DIAPH2: variants seen among roughly 807,000 people sequenced by gnomAD.
DIAPH2 encodes the protein protein diaphanous homolog 2.
In DIAPH2, 35 loss-of-function variants were observed where a neutral mutation model predicts 92.7. The observed-to-expected ratio is 0.38, with a 90% CI of 0.29 to 0.50. The LOEUF (loss-of-function observed/expected upper bound fraction) is 0.50, where lower values mean the gene tolerates loss of function less well. Among genes scored for constraint, DIAPH2 ranks in the 20% least tolerant of loss-of-function variants. The pLI, the probability that DIAPH2 is intolerant of heterozygous loss-of-function variation, is 0.94. For missense variants in DIAPH2, 701 were observed against 819.5 expected (o/e 0.86, Z 1.77); for synonymous variants, 301 against 280.4 (o/e 1.07, Z -0.73).
intron 22 of DIAPH2, among the ~76,000 whole-genome samples, chrX:97,193,074 G>A (rs2067669830): frequency 1.0e-5 from 1 of 95,711 alleles, no homozygotes; most frequent in Non-Finnish European, 2.0e-5. Flanking sequence ...GTGCAGTGGT[G>A]CCATCTTGGC....
At chrX:96,718,681 T>C (rs2063970674) in intron 1 of DIAPH2, among the ~76,000 whole-genome samples, 1 of 111,488 alleles carries the variant, frequency 9.0e-6, no homozygotes, top group South Asian at 3.7e-4. Context: ...CATTCATCTG[T>C]TTATGGATAC....
chrX:97,516,692 C>T (rs2070951431), intron 26 of DIAPH2, among the ~76,000 whole-genome samples: 1 of 111,506 alleles, frequency 9.0e-6, no homozygotes, highest in Admixed American at 9.5e-5. Context: ...GTGGCTATTT[C>T]CCCCTGAATT....
chrX:97,200,705 G>A (rs1379696429), intron 22 of DIAPH2, among the ~76,000 whole-genome samples: 2 of 111,889 alleles, frequency 1.8e-5, no homozygotes, highest in African/African-American at 6.5e-5. Context: ...AGCACCTGTG[G>A]GGAGGGGCAG....
At chrX:97,381,721 C>T (rs1382486946) in intron 24 of DIAPH2, among the ~76,000 whole-genome samples, 3 of 111,454 alleles carry the variant, frequency 2.7e-5, no homozygotes, top group African/African-American at 9.8e-5. Context: ...ACTTAGCCTA[C>T]CTGAACCTAA....
At chrX:97,442,589 T>C (rs977032439) in intron 26 of DIAPH2, 1 of 112,596 alleles carries the variant, frequency 8.9e-6, no homozygotes, top group Non-Finnish European at 1.9e-5. Flanking sequence ...AGTATTTTCC[T>C]AAATAGGGAT....
At chrX:96,779,347 T>G (rs767289227) in intron 4 of DIAPH2, among the ~76,000 whole-genome samples, 1 of 112,199 alleles carries the variant, frequency 8.9e-6, no homozygotes, top group South Asian at 3.7e-4. Flanking sequence ...AATTAACATC[T>G]GTTGGTTTTT....
intron 22 of DIAPH2, among the ~76,000 whole-genome samples, chrX:97,142,939 A>G (rs2067217924): frequency 8.9e-6 from 1 of 111,792 alleles, no homozygotes; most frequent in South Asian, 3.7e-4. Flanking sequence ...TTTGAATAAC[A>G]TTGTGCAGTG....
At chrX:97,443,644 A>G (rs1234485358) in intron 26 of DIAPH2, among the ~76,000 whole-genome samples, 1 of 112,301 alleles carries the variant, frequency 8.9e-6, no homozygotes, top group Non-Finnish European at 1.9e-5. Flanking sequence ...GCAAGCTCGC[A>G]TGTCCTATGT....
intron 26 of DIAPH2, among the ~76,000 whole-genome samples, chrX:97,590,601 A>G (rs1396377344): frequency 8.9e-6 from 1 of 112,311 alleles, no homozygotes; most frequent in African/African-American, 3.2e-5. Context: ...AGGCACAGAG[A>G]TGACAGGTGA....
intron 26 of DIAPH2, among the ~76,000 whole-genome samples, chrX:97,516,098 A>G (rs941467164): frequency 9.1e-6 from 1 of 110,388 alleles, no homozygotes; most frequent in Non-Finnish European, 1.9e-5. Context: ...CTAAAAATAC[A>G]AAAATTAGCT....
At position 96,964,050 on chromosome X, in the gene DIAPH2, T is replaced by C. The variant is rs72614314; in HGVS notation, c.1936-1043T>C. Among the ~76,000 whole-genome samples the C allele has an allele frequency of 1.8e-3, 200 of 111,297 alleles. 3 individuals are homozygous for C. The highest frequency in any genetic ancestry group is 0.017 in the East Asian group (59 of 3,526). On this transcript the variant is annotated intron_variant, in intron 16 of 26. Coordinates refer to ENST00000324765, the MANE Select transcript of DIAPH2 (RefSeq NM_006729.5). ...AAAATAATATGTCTGTTTTAAAAGG[T>C]TATTATGTAGATTGACACAGTCCTC...
intron 17 of DIAPH2, among the ~76,000 whole-genome samples, chrX:97,049,938 A>T (rs1470131149): frequency 9.0e-6 from 1 of 111,139 alleles, no homozygotes; most frequent in African/African-American, 3.3e-5. Flanking sequence ...AAGTTACTTA[A>T]ATTACTGGTG....
At chrX:97,135,914 G>A (rs979718035) in intron 21 of DIAPH2, among the ~76,000 whole-genome samples, 4 of 111,839 alleles carry the variant, frequency 3.6e-5, no homozygotes, top group African/African-American at 1.3e-4. Context: ...GTATGCCGAG[G>A]TCAGGAGGAA....
At chrX:97,326,787 C>T (rs1025460114) in intron 23 of DIAPH2, among the ~76,000 whole-genome samples, 1 of 112,460 alleles carries the variant, frequency 8.9e-6, no homozygotes, top group Non-Finnish European at 1.9e-5. Flanking sequence ...AAGATTCACT[C>T]ATGGCCTGCC....
intron 26 of DIAPH2, among the ~76,000 whole-genome samples, chrX:97,521,709 G>A (rs1409324212): frequency 9.0e-6 from 1 of 111,349 alleles, no homozygotes; most frequent in Non-Finnish European, 1.9e-5. Flanking sequence ...TTGAAGAGGT[G>A]CCTTAGCCAC....
intron 26 of DIAPH2, among the ~76,000 whole-genome samples, chrX:97,477,723 A>C (rs955082387): frequency 3.6e-5 from 4 of 111,978 alleles, no homozygotes; most frequent in African/African-American, 1.3e-4. Context: ...AAAAAGTTAC[A>C]CTAGTGAATC....
chrX:96,828,914 A>T (rs988394431), intron 4 of DIAPH2, among the ~76,000 whole-genome samples: 2 of 111,810 alleles, frequency 1.8e-5, no homozygotes, highest in Admixed American at 1.9e-4. Flanking sequence ...TATTCCACTT[A>T]TACTTTTAAA....
chrX:97,296,199 T>A (rs73550333), intron 23 of DIAPH2, among the ~76,000 whole-genome samples: 2 of 111,272 alleles, frequency 1.8e-5, no homozygotes, highest in African/African-American at 6.6e-5. Flanking sequence ...GAGATAAATC[T>A]TTCCCAAGCA....
At chrX:97,171,365 C>A (rs985655373) in intron 22 of DIAPH2, among the ~76,000 whole-genome samples, 2 of 111,960 alleles carry the variant, frequency 1.8e-5, no homozygotes, top group Non-Finnish European at 3.8e-5. Context: ...CTTTCATTAG[C>A]ATATTCTTAA....
Sources: gnomAD v4.1 joint callset for allele counts (sites outside exome capture counted in the v4.1 genomes callset) on GRCh38, gnomAD v4.1.1 for gene constraint, MANE v1.5 for transcripts, NCBI Gene and HGNC (gene_info 2026-07-23, HGNC 2026-07-21) for gene names.